IRAK1BP1: variants seen among roughly 807,000 people sequenced by gnomAD.
IRAK1BP1 encodes interleukin 1 receptor associated kinase 1 binding protein 1.
In IRAK1BP1, 24 loss-of-function variants were observed where a neutral mutation model predicts 28.0. The observed-to-expected ratio is 0.86, with a 90% CI of 0.62 to 1.20. IRAK1BP1 has a LOEUF of 1.20. Ranked by LOEUF, IRAK1BP1 falls within the 50% of genes most tolerant of loss-of-function variation. IRAK1BP1 has a pLI of 0.00. For synonymous variants in IRAK1BP1, 131 were observed against 116.3 expected (o/e 1.13, Z -0.81); for missense variants, 336 against 316.7 (o/e 1.06, Z -0.46).
At chr6:78,885,999 T>C (rs1401375704) in intron 2 of IRAK1BP1, among the ~76,000 whole-genome samples, 1 of 152,204 alleles carries the variant, frequency 6.6e-6, no homozygotes, top group Non-Finnish European at 1.5e-5. Context: ...AATCAGAGTA[T>C]GTTCTAGTGG....
chr6:78,926,888 G>A (rs529659132), intron 4 of IRAK1BP1, among the ~76,000 whole-genome samples: 2 of 152,026 alleles, frequency 1.3e-5, no homozygotes, highest in African/African-American at 2.4e-5. Flanking sequence ...TTATTCTTTC[G>A]TATGGCCAAA....
At chr6:78,908,072 A>G (rs1772306008), downstream of IRAK1BP1, among the ~76,000 whole-genome samples, 1 of 148,470 alleles carries the variant, frequency 6.7e-6, no homozygotes, top group South Asian at 2.1e-4. Flanking sequence ...ATTTTTTGAG[A>G]CAGAGTCTCA....
intron 1 of IRAK1BP1, among the ~76,000 whole-genome samples, chr6:78,872,946 C>A (rs1035604193): frequency 1.3e-5 from 2 of 151,902 alleles, no homozygotes; most frequent in African/African-American, 4.8e-5. Flanking sequence ...TTGATAAGAA[C>A]CTTAAAAATT....
chr6:78,928,849 C>T (rs1772963947), intron 4 of IRAK1BP1, among the ~76,000 whole-genome samples: 1 of 152,108 alleles, frequency 6.6e-6, no homozygotes, highest in African/African-American at 2.4e-5. Flanking sequence ...CCTTCCATCC[C>T]AGGGACAAAT....
downstream of IRAK1BP1, among the ~76,000 whole-genome samples, chr6:78,906,858 T>C (rs1486840692): frequency 6.6e-6 from 1 of 152,176 alleles, no homozygotes; most frequent in Admixed American, 6.5e-5. Context: ...AGGTATTAAT[T>C]AATCACATTA....
intron 1 of IRAK1BP1, among the ~76,000 whole-genome samples, chr6:78,873,193 G>A (rs1770851317): frequency 7.3e-6 from 1 of 136,064 alleles, no homozygotes; most frequent in Non-Finnish European, 1.5e-5. Flanking sequence ...AGGCAGAGGT[G>A]GCAGTGAGCT....
chr6:78,948,915 A>T (rs1773981651), downstream of IRAK1BP1, among the ~76,000 whole-genome samples: 1 of 152,224 alleles, frequency 6.6e-6, no homozygotes, highest in African/African-American at 2.4e-5. Flanking sequence ...GTGTCCTATA[A>T]GGTAGGATTA....
At chr6:78,946,988 GT>G (rs1773856725), downstream of IRAK1BP1, 2 of 571,336 alleles carry the variant, frequency 3.5e-6, no homozygotes, top group Non-Finnish European at 5.9e-6. Flanking sequence ...TTTAATTATT[GT>G]TTTTTACATC....
intron 4 of IRAK1BP1, among the ~76,000 whole-genome samples, chr6:78,913,885 T>C (rs1159299835): frequency 6.6e-6 from 1 of 152,232 alleles, no homozygotes; most frequent in Non-Finnish European, 1.5e-5. Context: ...GAACAGATGA[T>C]ATACTGTTAT....
chr6:78,919,415 GAAA>G (rs1166373148), intron 4 of IRAK1BP1, among the ~76,000 whole-genome samples: 2 of 152,128 alleles, frequency 1.3e-5, no homozygotes, highest in African/African-American at 4.8e-5. Flanking sequence ...CTGGCTCTTT[GAAA>G]GGATAAACAA....
In IRAK1BP1 at chr6:78,924,471, C is replaced by T. The variant is rs535729044; in HGVS notation, c.*68-20937C>T. On this transcript the variant is annotated intron_variant and NMD_transcript_variant, in intron 4 of 4. Transcript: ENST00000606868. ...GCCCAGGACCAGATGGATTCACAGC[C>T]GAATTCTATCAGAGGTACAAAGAGG... 3.3e-4 allele frequency among the ~76,000 whole-genome samples: 50 copies of T among 152,214 alleles called. 1 individual carries two copies. The highest frequency in any genetic ancestry group is 6.8e-3 in the Middle Eastern group (2 of 294).
the IRAK1BP1 span, among the ~76,000 whole-genome samples, chr6:78,974,330 A>G: frequency 4.6e-5 from 7 of 152,106 alleles, no homozygotes; most frequent in East Asian, 1.4e-3. Flanking sequence ...GAAACCAACG[A>G]GAACAAAGAC....
chr6:78,903,604 G>T (rs1442454371), downstream of IRAK1BP1, among the ~76,000 whole-genome samples: 1 of 151,860 alleles, frequency 6.6e-6, no homozygotes, highest in Non-Finnish European at 1.5e-5. Context: ...AGCCCAGGTG[G>T]CAGGTGAAAG....
chr6:78,880,824 GA>G (rs919729081), intron 1 of IRAK1BP1, among the ~76,000 whole-genome samples: 1 of 152,100 alleles, frequency 6.6e-6, no homozygotes, highest in African/African-American at 2.4e-5. Flanking sequence ...AAACCACAAT[GA>G]AATACTGCTA....
At chr6:78,947,598 A>T, downstream of IRAK1BP1, 4 of 1,179,524 alleles carry the variant, frequency 3.4e-6, no homozygotes, top group Non-Finnish European at 4.9e-6. Flanking sequence ...ATCTAGTCAT[A>T]AAAGAAAATA....
chr6:78,879,616 T>G (rs535438347), intron 1 of IRAK1BP1, among the ~76,000 whole-genome samples: 41 of 152,332 alleles, frequency 2.7e-4, no homozygotes, highest in Non-Finnish European at 5.9e-4. Context: ...GTTACCAGGA[T>G]AGAAGTCCAA....
At chr6:78,874,437 G>A (rs576519825) in intron 1 of IRAK1BP1, among the ~76,000 whole-genome samples, 3 of 152,274 alleles carry the variant, frequency 2.0e-5, no homozygotes, top group South Asian at 4.1e-4. Context: ...ATTGCTATTT[G>A]TAATCTTCAG....
At chr6:78,964,955 A>G in the IRAK1BP1 span, among the ~76,000 whole-genome samples, 1 of 152,184 alleles carries the variant, frequency 6.6e-6, no homozygotes, top group Non-Finnish European at 1.5e-5. Flanking sequence ...TATTTTTTAC[A>G]AACAAACAAA....
At chr6:78,976,805 G>A in the IRAK1BP1 span, among the ~76,000 whole-genome samples, 3 of 143,394 alleles carry the variant, frequency 2.1e-5, no homozygotes, top group Non-Finnish European at 4.6e-5. Context: ...TCAGAGAAAT[G>A]CAAATCAAAA....
Sources: gnomAD v4.1 joint callset for allele counts (sites outside exome capture counted in the v4.1 genomes callset) on GRCh38, gnomAD v4.1.1 for gene constraint, MANE v1.5 for transcripts, NCBI Gene and HGNC (gene_info 2026-07-23, HGNC 2026-07-21) for gene names.